Variants in PUS7 observed in about 807,000 individuals in gnomAD.
The protein encoded by PUS7 is pseudouridylate synthase 7 homolog.
PUS7 carries 48 observed loss-of-function variants against 79.8 expected under a neutral mutation model. The ratio of observed to expected loss-of-function variants is 0.60; its 90% CI spans 0.48 to 0.76. PUS7 has a LOEUF of 0.76. Ranked by LOEUF, PUS7 falls within the 30% of genes least tolerant of loss-of-function variation. PUS7 has a pLI of 0.00. For synonymous variants in PUS7, 286 were observed against 272.2 expected (o/e 1.05, Z -0.50); for missense variants, 729 against 797.6 (o/e 0.91, Z 1.04).
intron 9 of PUS7, among the ~76,000 whole-genome samples, chr7:105,474,612 CAAA>C (rs10540161): frequency 0.07 from 8,805 of 126,360 alleles, 762 homozygotes; most frequent in African/African-American, 0.22. Context: ...ACTAAAAATA[CAAA>C]AAAAAAAAAA....
At position 105,465,300 on chromosome 7, in the gene PUS7, A is replaced by G. The variant is rs769031020; in HGVS notation, c.1627+13T>C. The G allele has an allele frequency of 1.9e-6, 3 of 1,566,230 alleles. No homozygotes were observed. The highest frequency in any genetic ancestry group is 2.6e-6 in the Non-Finnish European group (3 of 1,138,200). On this transcript the variant is annotated intron_variant, in intron 13 of 15. Coordinates refer to ENST00000469408, the MANE Select transcript of PUS7 (RefSeq NM_019042.5). ...AACTTGTTTTAACTATTTTCCCCATACAGGGAACTTACTTTTATGCTTTGG... is the reference window on the plus strand; with the variant it reads ...AACTTGTTTTAACTATTTTCCCCATGCAGGGAACTTACTTTTATGCTTTGG...
At chr7:105,457,971 A>G in intron 15 of PUS7, 45 bp from the exon 16 acceptor site, 1 of 1,599,208 alleles carries the variant, frequency 6.3e-7, no homozygotes, top group Non-Finnish European at 8.5e-7. Flanking sequence ...AGGCAGCTGC[A>G]GACAGACCAG....
intron 10 of PUS7, among the ~76,000 whole-genome samples, 178 bp downstream of exon 10, chr7:105,471,954 T>G (rs944070954): frequency 1.3e-5 from 2 of 148,526 alleles, no homozygotes; most frequent in East Asian, 3.9e-4. Context: ...AAATTATAAA[T>G]CTTAAATATA....
chr7:105,515,786 T>TTTAA, intron 1 of PUS7, among the ~76,000 whole-genome samples: 1 of 58,154 alleles, frequency 1.7e-5, no homozygotes, highest in Non-Finnish European at 3.6e-5. Flanking sequence ...TTGTATTTTA[T>TTTAA]TTTATTTTAT....
At chr7:105,495,302 G>C (rs1824966749) in intron 5 of PUS7, 49 bp from the exon 6 acceptor site, 1 of 1,071,928 alleles carries the variant, frequency 9.3e-7, no homozygotes, top group Non-Finnish European at 1.4e-6. Context: ...AAAAGTTATA[G>C]ATGTAAGAGC....
intron 10 of PUS7, 103 bp from the exon 11 acceptor site, chr7:105,470,951 G>C: frequency 7.9e-7 from 1 of 1,271,126 alleles, no homozygotes; most frequent in Non-Finnish European, 1.1e-6. Flanking sequence ...AATGCTACTT[G>C]AAATATAGGT....
At chr7:105,512,744 C>T (rs711433) in intron 1 of PUS7, among the ~76,000 whole-genome samples, 50,253 of 152,036 alleles carry the variant, frequency 0.33, 9,432 homozygotes, top group African/African-American at 0.51. Context: ...ATTTGTAATT[C>T]AGAAAGATTC....
At chr7:105,501,936 C>A (rs10268710) in intron 5 of PUS7, among the ~76,000 whole-genome samples, 3,155 of 132,780 alleles carry the variant, frequency 0.024, 119 homozygotes, top group African/African-American at 0.085. Context: ...GCCTGGGCGA[C>A]AGGGCGAGAC....
At chr7:105,468,567 G>T in intron 11 of PUS7, 104 bp from the exon 12 acceptor site, 1 of 1,028,350 alleles carries the variant, frequency 9.7e-7, no homozygotes, top group Non-Finnish European at 1.4e-6. Context: ...GCCCAGGCTG[G>T]AGTGCAGTGG....
chr7:105,498,919 G>C (rs927659891), intron 5 of PUS7, among the ~76,000 whole-genome samples: 1 of 152,158 alleles, frequency 6.6e-6, no homozygotes, highest in African/African-American at 2.4e-5. Context: ...GAGCCACTGC[G>C]CCTGGCCCTC....
intron 1 of PUS7, among the ~76,000 whole-genome samples, chr7:105,513,858 T>A (rs900307818): frequency 1.9e-4 from 27 of 140,752 alleles, no homozygotes; most frequent in Admixed American, 1.0e-3. Flanking sequence ...AAAAAATAGT[T>A]ATTATGGATG....
chr7:105,459,969 C>T (rs754476988), intron 14 of PUS7, among the ~76,000 whole-genome samples: 13 of 151,844 alleles, frequency 8.6e-5, no homozygotes, highest in Admixed American at 2.6e-4. Context: ...GACGGAGTCT[C>T]GCTCTGTCGC....
At position 105,512,854 on chromosome 7, in the gene PUS7, G is replaced by C. The variant is rs1006199152; in HGVS notation, c.-32-4310C>G. Among the ~76,000 whole-genome samples, 4 of 152,204 alleles carry C rather than the reference G, an allele frequency of 2.6e-5. No individual in the cohort carries two copies. The East Asian group carries it at 7.7e-4, about 29-fold the overall frequency. On this transcript the variant is annotated intron_variant, in intron 1 of 15. Transcript: ENST00000469408. ...AGAAATTAATATAATCTGATCTAAG[G>C]CTGAAGCAAGGGAGACAGAAAAAGG...
intron 7 of PUS7, among the ~76,000 whole-genome samples, chr7:105,490,500 T>C (rs1824737955): frequency 6.6e-6 from 1 of 152,140 alleles, no homozygotes; most frequent in South Asian, 2.1e-4. Flanking sequence ...CCCTGGTCTC[T>C]AGTTTTGCAT....
chr7:105,509,643 T>G (rs1339892569), intron 1 of PUS7, among the ~76,000 whole-genome samples: 1 of 152,044 alleles, frequency 6.6e-6, no homozygotes, highest in African/African-American at 2.4e-5. Flanking sequence ...GCTAGTTTTT[T>G]TATTTTTATT....
chr7:105,505,152 T>C (rs1456889616), intron 4 of PUS7, among the ~76,000 whole-genome samples: 3 of 151,784 alleles, frequency 2.0e-5, no homozygotes, highest in East Asian at 3.9e-4. Flanking sequence ...AGGCCTGCGC[T>C]ACCACGCTTG....
intron 1 of PUS7, among the ~76,000 whole-genome samples, chr7:105,510,890 T>C (rs1440619322): frequency 6.6e-6 from 1 of 152,124 alleles, no homozygotes; most frequent in East Asian, 1.9e-4. Flanking sequence ...GAAGGTAACA[T>C]ACTGATGAAT....
At chr7:105,462,593 T>C in intron 14 of PUS7, 28 bp downstream of exon 14, 1 of 1,611,756 alleles carries the variant, frequency 6.2e-7, no homozygotes, top group Non-Finnish European at 8.5e-7. Flanking sequence ...GGTAATTCAG[T>C]TCTATCTCAT....
intron 11 of PUS7, among the ~76,000 whole-genome samples, 173 bp from the exon 12 acceptor site, chr7:105,468,636 G>A (rs971127010): frequency 8.6e-5 from 13 of 151,594 alleles, no homozygotes. Flanking sequence ...TCCCACCTCA[G>A]CCTACAGACT....
Sources: gnomAD v4.1 joint callset for allele counts (sites outside exome capture counted in the v4.1 genomes callset) on GRCh38, gnomAD v4.1.1 for gene constraint, MANE v1.5 for transcripts, NCBI Gene and HGNC (gene_info 2026-07-23, HGNC 2026-07-21) for gene names.